The following STK17B variants were observed in gnomAD, a reference collection of about 807,000 sequenced individuals.
STK17B encodes serine/threonine kinase 17b.
A neutral mutation model predicts 42.0 loss-of-function variants in STK17B; 21 were observed. That is an observed-to-expected ratio of 0.50 (90% confidence interval 0.35 to 0.72). The LOEUF (loss-of-function observed/expected upper bound fraction) is 0.72, where lower values mean the gene tolerates loss of function less well. Ranked by LOEUF, STK17B falls within the 30% of genes least tolerant of loss-of-function variation. The pLI, the probability that STK17B is intolerant of heterozygous loss-of-function variation, is 0.00. For missense variants in STK17B, 349 were observed against 446.0 expected (o/e 0.78, Z 1.96); for synonymous variants, 143 against 148.4 (o/e 0.96, Z 0.26).
At chr2:196,175,960 G>A (rs777651396), upstream of STK17B, among the ~76,000 whole-genome samples, 1 of 152,118 alleles carries the variant, frequency 6.6e-6, no homozygotes, top group Non-Finnish European at 1.5e-5. Context: ...ACCTAAATTC[G>A]GTGGTACATA....
At chr2:196,170,863 G>C (rs1699930904) in intron 1 of STK17B, 1 of 152,296 alleles carries the variant, frequency 6.6e-6, no homozygotes, top group African/African-American at 2.4e-5. Context: ...GCTGGGAGCA[G>C]GACGCGTCCA....
At chr2:196,166,700 G>A (rs1699877915) in intron 1 of STK17B, among the ~76,000 whole-genome samples, 1 of 152,060 alleles carries the variant, frequency 6.6e-6, no homozygotes, top group South Asian at 2.1e-4. Flanking sequence ...GATCAGTGAA[G>A]GAAGGAAAAG....
upstream of STK17B, among the ~76,000 whole-genome samples, chr2:196,171,781 G>A (rs1296428433): frequency 1.3e-5 from 2 of 149,218 alleles, no homozygotes; most frequent in African/African-American, 4.9e-5. Flanking sequence ...GGGGAGGCGC[G>A]GCGGCGTGGC....
intron 3 of STK17B, among the ~76,000 whole-genome samples, chr2:196,146,466 T>C (rs1031331972): frequency 6.6e-6 from 1 of 152,132 alleles, no homozygotes; most frequent in African/African-American, 2.4e-5. Context: ...ATGGCACCAC[T>C]GCATTCCAGC....
chr2:196,138,865 C>T (rs1201297689), intron 7 of STK17B, among the ~76,000 whole-genome samples: 1 of 152,094 alleles, frequency 6.6e-6, no homozygotes, highest in Non-Finnish European at 1.5e-5. Flanking sequence ...TGAGCCACCT[C>T]GCTCAGCTGA....
At chr2:196,171,740 G>A (rs1421836107), upstream of STK17B, among the ~76,000 whole-genome samples, 2 of 149,968 alleles carry the variant, frequency 1.3e-5, no homozygotes, top group Admixed American at 6.6e-5. Flanking sequence ...GCGGTGAGAG[G>A]GTGCGGCGCC....
At chr2:196,148,804 T>TTA (rs1699619645) in intron 3 of STK17B, among the ~76,000 whole-genome samples, 1 of 152,104 alleles carries the variant, frequency 6.6e-6, no homozygotes, top group Non-Finnish European at 1.5e-5. Context: ...CTCCACCAAT[T>TTA]CTAAAATTAA....
chr2:196,170,631 G>C (rs1157776128), intron 1 of STK17B, among the ~76,000 whole-genome samples: 1 of 152,114 alleles, frequency 6.6e-6, no homozygotes, highest in Non-Finnish European at 1.5e-5. Flanking sequence ...AAAGAGCCTG[G>C]GTAAATGTCA....
rs761565700 is a variant in STK17B at position 196,163,433 on chromosome 2, C to A, written c.-44-6G>T. 4 of 1,518,018 alleles carry A rather than the reference C, an allele frequency of 2.6e-6. No individual in the cohort carries two copies. Among genetic ancestry groups the A allele is most frequent in the Non-Finnish European group, 3.5e-6 (4 of 1,140,792 alleles). 94.0% of individuals were successfully genotyped at this position (1,518,018 alleles called of 1,614,324 possible). A position where few individuals can be genotyped will look rare whatever the true frequency, so the allele number is the denominator to read the frequency against. ...CTTTAGTCACTTATTTTTACCTATG[C>A]AAAAAAAGAGAATACAGAGAAAAGA... On this transcript the variant is annotated splice_polypyrimidine_tract_variant and splice_region_variant and intron_variant, in intron 1 of 7. Coordinates refer to ENST00000263955, the MANE Select transcript of STK17B (RefSeq NM_004226.4).
At chr2:196,149,646 T>G (rs1315201149) in intron 3 of STK17B, among the ~76,000 whole-genome samples, 1 of 152,188 alleles carries the variant, frequency 6.6e-6, no homozygotes, top group Non-Finnish European at 1.5e-5. Flanking sequence ...CACACTATAT[T>G]CTTAAGTGAA....
At chr2:196,143,319 C>T (rs1438538079) in intron 5 of STK17B, among the ~76,000 whole-genome samples, 1 of 152,172 alleles carries the variant, frequency 6.6e-6, no homozygotes, top group East Asian at 1.9e-4. Context: ...CCTTTATACA[C>T]AAACATTCAA....
chr2:196,164,180 A>G (rs1171746418), intron 1 of STK17B, among the ~76,000 whole-genome samples: 1 of 150,364 alleles, frequency 6.7e-6, no homozygotes, highest in African/African-American at 2.4e-5. Context: ...AAATGCACAT[A>G]TTGTGAGTTA....
chr2:196,173,726 T>C (rs1160309198), upstream of STK17B, among the ~76,000 whole-genome samples: 1 of 152,204 alleles, frequency 6.6e-6, no homozygotes, highest in Non-Finnish European at 1.5e-5. Flanking sequence ...CATTCTGTGG[T>C]CATTGCTTCT....
chr2:196,134,314 G>A lies in STK17B; in HGVS notation c.*3133C>T, dbSNP rs879743612. ...AGGCCACGACCGGGCTGCATAGAAGGTGGGGGGCGGTGCCAAGCATTACTG... is the reference window on the plus strand; with the variant it reads ...AGGCCACGACCGGGCTGCATAGAAGATGGGGGGCGGTGCCAAGCATTACTG... On this transcript the variant is annotated 3_prime_UTR_variant, in exon 8 of 8. Transcript: ENST00000263955. 1 of 152,188 alleles carries A rather than the reference G, an allele frequency of 6.6e-6. No homozygotes were observed. The highest frequency in any genetic ancestry group is 1.5e-5 in the Non-Finnish European group (1 of 68,066). 9.4% of individuals were successfully genotyped at this position (152,188 alleles called of 1,614,324 possible).
At chr2:196,148,083 T>C (rs72919187) in intron 3 of STK17B, among the ~76,000 whole-genome samples, 2,319 of 152,254 alleles carry the variant, frequency 0.015, 32 homozygotes, top group Non-Finnish European at 0.023. Flanking sequence ...AATCTGAGTA[T>C]TGAAAAGTGT....
upstream of STK17B, chr2:196,174,406 C>G (rs769578930): frequency 1.3e-5 from 2 of 152,236 alleles, no homozygotes; most frequent in African/African-American, 4.8e-5. Flanking sequence ...CATGTTTACT[C>G]CCTGTAGATG....
chr2:196,152,156 G>C (rs1231745370), intron 3 of STK17B, among the ~76,000 whole-genome samples: 1 of 150,900 alleles, frequency 6.6e-6, no homozygotes, highest in Non-Finnish European at 1.5e-5. Flanking sequence ...GCCCAGCCTG[G>C]CGCGTAGTGG....
At chr2:196,172,613 C>G (rs1575191823), upstream of STK17B, among the ~76,000 whole-genome samples, 1 of 152,304 alleles carries the variant, frequency 6.6e-6, no homozygotes, top group East Asian at 1.9e-4. Context: ...AGCTGTTTCC[C>G]TTTCCTACTG....
rs566229209 is a variant in STK17B at position 196,158,935 on chromosome 2, C to T, written c.123-2284G>A. Among the ~76,000 whole-genome samples the T allele has an allele frequency of 7.3e-5, 11 of 150,012 alleles. No homozygotes were observed. The East Asian group carries it at 8.0e-4, about 11-fold the overall frequency. On this transcript the variant is annotated intron_variant, in intron 2 of 7. Coordinates refer to ENST00000263955, the MANE Select transcript of STK17B (RefSeq NM_004226.4). ...CTGAGGCAGGAGAATCACTTGAACT[C>T]GGCAGACGGAGGTTGCAGTGAGCTG...
Sources: allele counts gnomAD v4.1 joint callset (sites outside exome capture counted in the v4.1 genomes callset), GRCh38; gene constraint gnomAD v4.1.1; transcripts MANE v1.5; gene names NCBI Gene and HGNC (gene_info 2026-07-23, HGNC 2026-07-21).